Variants in GAB1 observed in about 807,000 individuals in gnomAD.
The protein encoded by GAB1 is GRB2 associated binding protein 1.
Under a neutral mutation model 66.5 loss-of-function variants are expected in GAB1, and 19 were observed. The observed-to-expected ratio is 0.29, with a 90% confidence interval of 0.20 to 0.42. The LOEUF (loss-of-function observed/expected upper bound fraction) is 0.42, where lower values mean the gene tolerates loss of function less well. GAB1 is among the 10% of genes least tolerant of loss of function. GAB1 has a pLI of 1.00. For synonymous variants in GAB1, 294 were observed against 301.4 expected (o/e 0.98, Z 0.25); for missense variants, 732 against 858.5 (o/e 0.85, Z 1.84).
chr4:143,426,617 T>C (rs76276515), intron 2 of GAB1, among the ~76,000 whole-genome samples: 1 of 152,212 alleles, frequency 6.6e-6, no homozygotes, highest in Non-Finnish European at 1.5e-5. Flanking sequence ...AAACATTTTT[T>C]CAGCATCTGC....
rs1176086779 is a variant in GAB1, at chr4:143,336,993, A to G, written c.-196A>G. 1 of 555,724 alleles carries G rather than the reference A, an allele frequency of 1.8e-6. No individual in the cohort carries two copies. Among genetic ancestry groups the G allele is most frequent in the Admixed American group, 3.4e-5 (1 of 29,850 alleles). 34.4% of individuals were successfully genotyped at this position (555,724 alleles called of 1,614,324 possible). A position where few individuals can be genotyped will look rare whatever the true frequency, so the allele number is the denominator to read the frequency against. ...CGCGGCCCCGGCTCGCGTTCTGTTC[A>G]GGTTCGTGGGCCTGCAGAGGAGAGA... On this transcript the variant is annotated 5_prime_UTR_variant, in exon 1 of 10. Coordinates refer to ENST00000262994, the MANE Select transcript of GAB1 (RefSeq NM_002039.4).
At chr4:143,434,112 A>G in intron 3 of GAB1, 1 of 1,293,730 alleles carries the variant, frequency 7.7e-7, no homozygotes, top group Non-Finnish European at 1.0e-6. Flanking sequence ...TTGTTTCTGA[A>G]GAAGGAGAGG....
intron 2 of GAB1, among the ~76,000 whole-genome samples, chr4:143,419,708 A>G (rs1359009732): frequency 2.0e-5 from 3 of 152,098 alleles, no homozygotes; most frequent in Non-Finnish European, 4.4e-5. Context: ...ATGCAACTGC[A>G]TTTATTTTTT....
chr4:143,425,908 G>A (rs1163798722), intron 2 of GAB1: 1 of 1,384,916 alleles, frequency 7.2e-7, no homozygotes, highest in African/African-American at 1.4e-5. Context: ...GAATGGGTAG[G>A]AGCAACCACT....
At chr4:143,423,360 C>G (rs1188300293) in intron 2 of GAB1, among the ~76,000 whole-genome samples, 1 of 152,048 alleles carries the variant, frequency 6.6e-6, no homozygotes, top group Non-Finnish European at 1.5e-5. Flanking sequence ...ATCTTGCTAG[C>G]AAACATAATG....
intron 1 of GAB1, among the ~76,000 whole-genome samples, chr4:143,382,672 A>G (rs1165641514): frequency 1.3e-5 from 2 of 152,210 alleles, no homozygotes; most frequent in Non-Finnish European, 1.5e-5. Context: ...TTAAAGAAAG[A>G]AGAGACTGTC....
intron 1 of GAB1, among the ~76,000 whole-genome samples, chr4:143,378,755 C>G (rs1866757): frequency 1.0e-3 from 157 of 150,996 alleles, no homozygotes; most frequent in Middle Eastern, 3.4e-3. Context: ...TCAGGTTATA[C>G]GACAGAGCTC....
chr4:143,456,743 G>T (rs1165442825), intron 6 of GAB1, among the ~76,000 whole-genome samples: 1 of 152,162 alleles, frequency 6.6e-6, no homozygotes, highest in Non-Finnish European at 1.5e-5. Flanking sequence ...AGCAAATTCT[G>T]ATTCTGCCAC....
intron 8 of GAB1, among the ~76,000 whole-genome samples, chr4:143,465,181 T>C (rs1180338690): frequency 6.6e-6 from 1 of 152,152 alleles, no homozygotes; most frequent in African/African-American, 2.4e-5. Context: ...CCTGTTGTAA[T>C]TAGAGTGGAG....
chr4:143,456,791 A>G (rs1735216017), intron 6 of GAB1, among the ~76,000 whole-genome samples: 1 of 152,210 alleles, frequency 6.6e-6, no homozygotes, highest in African/African-American at 2.4e-5. Context: ...ATTCCAAGAA[A>G]AAAGAAAATT....
chr4:143,384,792 T>G (rs947212890), intron 1 of GAB1, among the ~76,000 whole-genome samples: 11 of 152,178 alleles, frequency 7.2e-5, no homozygotes, highest in African/African-American at 2.7e-4. Context: ...TGGGGCCGAG[T>G]TGGCAGCTAG....
At chr4:143,347,023 A>G (rs1015412397) in intron 1 of GAB1, among the ~76,000 whole-genome samples, 8 of 152,244 alleles carry the variant, frequency 5.3e-5, no homozygotes, top group African/African-American at 1.9e-4. Flanking sequence ...CAAGCGTAAT[A>G]TATTTTTCTA....
rs184483660 is a variant in GAB1 at position 143,437,972 on chromosome 4, A to T, written c.594-27A>T. ...TGTATTCTTAGTCTCCACCTTGTTT[A>T]TTCTGTCATTAACAATTTTTATTTA... is the stretch of plus-strand genomic sequence containing the variant. On this transcript the variant is annotated intron_variant, in intron 3 of 9. Transcript: ENST00000262994. 2.5e-6 allele frequency: 4 copies of T among 1,587,802 alleles called. No homozygotes were observed. The East Asian group carries it at 9.0e-5, about 36-fold the overall frequency.
intron 9 of GAB1, among the ~76,000 whole-genome samples, chr4:143,466,686 C>T (rs1285463446): frequency 1.3e-5 from 2 of 151,720 alleles, no homozygotes; most frequent in East Asian, 1.9e-4. Context: ...GACACGGTTT[C>T]ACCATGTTGG....
In GAB1 at chr4:143,472,340, T is replaced by A. The variant is rs1326575784; in HGVS notation, c.*3151T>A. On this transcript the variant is annotated 3_prime_UTR_variant, in exon 10 of 10. Coordinates refer to ENST00000262994, the MANE Select transcript of GAB1 (RefSeq NM_002039.4). ...TTAATTTGATATAGAAATACTACTT[T>A]ACTTGTACATTAAGGTCATAATTTC... The A allele has an allele frequency of 6.6e-6, 1 of 152,172 alleles. No homozygotes were observed. The highest frequency in any genetic ancestry group is 1.5e-5 in the Non-Finnish European group (1 of 68,008). The allele number at this position is 152,172 out of a possible 1,614,324, so 9.4% of individuals were successfully genotyped here. A position where few individuals can be genotyped will look rare whatever the true frequency, so the allele number is the denominator to read the frequency against.
chr4:143,413,723 A>G (rs575111536), intron 1 of GAB1, among the ~76,000 whole-genome samples: 4 of 151,158 alleles, frequency 2.6e-5, no homozygotes, highest in South Asian at 2.1e-4. Context: ...AATGAATTAT[A>G]TACTTGTTTT....
chr4:143,418,842 A>T (rs896302024), intron 2 of GAB1, among the ~76,000 whole-genome samples: 3 of 152,220 alleles, frequency 2.0e-5, no homozygotes, highest in African/African-American at 7.2e-5. Context: ...TTTAATTCTC[A>T]AGTGTCTGAG....
intron 1 of GAB1, among the ~76,000 whole-genome samples, chr4:143,339,564 C>T (rs944343312): frequency 6.6e-6 from 1 of 152,148 alleles, no homozygotes; most frequent in African/African-American, 2.4e-5. Flanking sequence ...TTTCCTGACT[C>T]TGAATATTAG....
At position 143,466,257 on chromosome 4, in the gene GAB1, A is replaced by G. The variant is rs770949571; in HGVS notation, c.1926+32A>G. On this transcript the variant is annotated intron_variant, in intron 9 of 9. Coordinates refer to ENST00000262994, the MANE Select transcript of GAB1 (RefSeq NM_002039.4). ...GACATGTGACATGTCTCTTCTTTGT[A>G]TACAGTTAGTTCACACTTCAAACCT... 7 of 1,606,252 alleles carry G rather than the reference A, an allele frequency of 4.4e-6. No individual in the cohort carries two copies. The South Asian group carries it at 4.4e-5, about 10-fold the overall frequency.
Sources: gnomAD v4.1 joint callset for allele counts (sites outside exome capture counted in the v4.1 genomes callset) on GRCh38, gnomAD v4.1.1 for gene constraint, MANE v1.5 for transcripts, NCBI Gene and HGNC (gene_info 2026-07-23, HGNC 2026-07-21) for gene names.